The following RBL1 variants were observed in gnomAD, a reference collection of about 807,000 sequenced individuals.
RBL1 encodes the protein RB transcriptional corepressor like 1, also known as retinoblastoma-like protein 1.
In RBL1, 82 loss-of-function variants were observed where a neutral mutation model predicts 123.0. The observed-to-expected ratio is 0.67, with a 90% CI of 0.56 to 0.80. The LOEUF is 0.80. Ranked by LOEUF, RBL1 falls within the 30% of genes least tolerant of loss-of-function variation. RBL1 has a pLI of 0.00. For synonymous variants in RBL1, 405 were observed against 441.3 expected (o/e 0.92, Z 1.03); for missense variants, 1,171 against 1,299.6 (o/e 0.90, Z 1.52).
chr20:37,092,871 A>G (rs2065670053), intron 1 of RBL1, among the ~76,000 whole-genome samples: 1 of 152,076 alleles, frequency 6.6e-6, no homozygotes, highest in African/African-American at 2.4e-5. Context: ...ATAAAATCCT[A>G]TTTCATAAAA....
At chr20:37,069,640 G>A (rs1411834290) in intron 2 of RBL1, among the ~76,000 whole-genome samples, 2 of 151,114 alleles carry the variant, frequency 1.3e-5, no homozygotes, top group African/African-American at 2.4e-5. Flanking sequence ...CCCTCCGCCC[G>A]GCAGCCGCCC....
intron 19 of RBL1, among the ~76,000 whole-genome samples, chr20:37,015,436 GT>G (rs918977257): frequency 4.8e-4 from 71 of 146,972 alleles, no homozygotes; most frequent in East Asian, 4.8e-3. Flanking sequence ...TTTTGTTGTT[GT>G]TTTTTTTTTT....
chr20:37,004,250 C>T (rs546559101), intron 20 of RBL1, among the ~76,000 whole-genome samples: 5 of 151,260 alleles, frequency 3.3e-5, no homozygotes, highest in South Asian at 2.1e-4. Context: ...CCACCACGCC[C>T]GGTTAATTTT....
intron 21 of RBL1, among the ~76,000 whole-genome samples, chr20:37,001,918 T>TAAAA (rs757774894): frequency 0.066 from 5,511 of 83,548 alleles, 4 homozygotes; most frequent in East Asian, 0.11. Context: ...TGCAGAACAA[T>TAAAA]AAAAAAAAAA....
intron 21 of RBL1, among the ~76,000 whole-genome samples, chr20:37,000,305 C>G (rs1381324128): frequency 6.6e-6 from 1 of 150,436 alleles, no homozygotes; most frequent in East Asian, 2.0e-4. Flanking sequence ...GCAGCCACCC[C>G]GTCTGGGAGG....
At chr20:37,052,384 T>C (rs2064931088) in intron 11 of RBL1, among the ~76,000 whole-genome samples, 1 of 151,982 alleles carries the variant, frequency 6.6e-6, no homozygotes, top group African/African-American at 2.4e-5. Context: ...CACGTGGGAG[T>C]GCAGTGGTGT....
chr20:37,077,454 G>A (rs185630422), intron 2 of RBL1, among the ~76,000 whole-genome samples: 1 of 152,122 alleles, frequency 6.6e-6, no homozygotes, highest in Admixed American at 6.6e-5. Context: ...TCAGCTGAAG[G>A]TCTTAATAGA....
At chr20:37,065,608 T>C in intron 6 of RBL1, 135 bp from the exon 7 acceptor site, 1 of 569,336 alleles carries the variant, frequency 1.8e-6, no homozygotes, top group Non-Finnish European at 2.9e-6. Context: ...TCTTTCAGAC[T>C]AGGATAAACT....
rs1600541797 is a variant in RBL1, at chr20:37,055,573, G to A, written c.1447C>T (p.Leu483Phe). 1.2e-6 allele frequency: 2 copies of A among 1,614,096 alleles called. No individual in the cohort carries two copies. Among genetic ancestry groups the A allele is most frequent in the East Asian group, 2.2e-5 (1 of 44,874 alleles). ...CTTACTGACATGTCCATTCCATGAAGTCTTCGTGTTTCCTGAACCATTACA... is the reference window on the plus strand; with the variant it reads ...CTTACTGACATGTCCATTCCATGAAATCTTCGTGTTTCCTGAACCATTACA... ...ETVMVQETRR[L>F]HGMDMSVLLE... The change falls in exon 11 of 22, where the codon CTT (leucine) becomes TTT (phenylalanine). Residue 483 changes from leucine to phenylalanine, a missense_variant. Transcript: ENST00000373664.
chr20:37,072,064 T>C (rs189790912), intron 2 of RBL1, among the ~76,000 whole-genome samples: 38 of 152,356 alleles, frequency 2.5e-4, no homozygotes, highest in African/African-American at 8.4e-4. Context: ...AATCTGAGAC[T>C]CTTAAGGACC....
chr20:37,008,227 T>A (rs1003615251), intron 19 of RBL1, among the ~76,000 whole-genome samples: 1 of 152,208 alleles, frequency 6.6e-6, no homozygotes, highest in East Asian at 1.9e-4. Flanking sequence ...TTCAGACAAC[T>A]AAAAGGCCTG....
chr20:37,008,249 C>T (rs1488025771), intron 19 of RBL1, among the ~76,000 whole-genome samples: 1 of 152,178 alleles, frequency 6.6e-6, no homozygotes, highest in Non-Finnish European at 1.5e-5. Flanking sequence ...AGATATTCTT[C>T]TTGTGTCTTT....
intron 16 of RBL1, 62 bp from the exon 17 acceptor site, chr20:37,022,888 G>T: frequency 3.0e-6 from 4 of 1,320,072 alleles, no homozygotes; most frequent in Non-Finnish European, 4.2e-6. Context: ...AAATTTTTAT[G>T]TCTTACCAAG....
At chr20:37,072,325 G>A (rs952695984) in intron 2 of RBL1, among the ~76,000 whole-genome samples, 5 of 152,042 alleles carry the variant, frequency 3.3e-5, no homozygotes, top group Non-Finnish European at 7.4e-5. Flanking sequence ...AAAATTAGCC[G>A]GGCGTGGTGG....
chr20:37,049,192 AC>A (rs928475177), intron 11 of RBL1: 2 of 358,622 alleles, frequency 5.6e-6, no homozygotes, highest in Non-Finnish European at 1.0e-5. Context: ...ACAGGGCGAG[AC>A]TCTGTCCCAA....
intron 2 of RBL1, among the ~76,000 whole-genome samples, chr20:37,086,094 T>C (rs2065541649): frequency 2.0e-5 from 3 of 152,208 alleles, no homozygotes; most frequent in Admixed American, 2.0e-4. Context: ...GTTATAATTC[T>C]TTTTTGTTTA....
intron 20 of RBL1, among the ~76,000 whole-genome samples, chr20:37,005,877 CTTTTTT>C (rs1240843484): frequency 1.9e-5 from 2 of 106,340 alleles, no homozygotes; most frequent in African/African-American, 8.7e-5. Flanking sequence ...GCCTTCTTTT[CTTTTTT>C]TTTTTTCTTT....
At chr20:37,021,889 T>C (rs1281499346) in intron 17 of RBL1, 1 of 169,756 alleles carries the variant, frequency 5.9e-6, no homozygotes, top group Non-Finnish European at 1.3e-5. Context: ...GTATTGAACA[T>C]AGTCGGTGCT....
chr20:37,048,188 T>C (rs1402613224), intron 11 of RBL1, among the ~76,000 whole-genome samples: 1 of 152,092 alleles, frequency 6.6e-6, no homozygotes, highest in Non-Finnish European at 1.5e-5. Flanking sequence ...CAAAAGAATC[T>C]GATCTAAAAT....
Sources: gnomAD v4.1 joint callset for allele counts (sites outside exome capture counted in the v4.1 genomes callset) on GRCh38, gnomAD v4.1.1 for gene constraint, MANE v1.5 for transcripts, NCBI Gene and HGNC (gene_info 2026-07-23, HGNC 2026-07-21) for gene names.